The following HOXD13 variants were observed in gnomAD, a reference collection of about 807,000 sequenced individuals.
The protein encoded by HOXD13 is homeobox D13.
Under a neutral mutation model 27.3 loss-of-function variants are expected in HOXD13, and 16 were observed. The observed-to-expected ratio is 0.59, with a 90% CI of 0.40 to 0.89. The LOEUF (loss-of-function observed/expected upper bound fraction) is 0.89. Ranked by LOEUF, HOXD13 falls within the 40% of genes least tolerant of loss-of-function variation. The probability of loss-of-function intolerance (pLI) is 0.00; values close to 1 mark genes in which losing one functional copy is unlikely to be tolerated. For synonymous variants in HOXD13, 241 were observed against 219.0 expected, an observed-to-expected ratio of 1.10 and a Z score of -0.89; for missense variants, 481 against 482.6, an observed-to-expected ratio of 1.00 and a Z score of 0.03.
upstream of HOXD13, among the ~76,000 whole-genome samples, chr2:176,091,807 C>A (rs532048046): frequency 6.6e-6 from 1 of 151,692 alleles, no homozygotes; most frequent in Admixed American, 6.6e-5. Context: ...CTGCAAAATG[C>A]GAGGCCGGTC....
rs1375888147 is a variant in HOXD13, at chr2:176,094,914, T to C, written c.*184T>C. The C allele has an allele frequency of 3.3e-6, 2 of 600,802 alleles. No individual in the cohort carries two copies. Among genetic ancestry groups the C allele is most frequent in the African/African-American group, 1.9e-5 (1 of 53,808 alleles). The allele number at this position is 600,802 out of a possible 1,614,324, so 37.2% of individuals were successfully genotyped here. ...CCTTCTGCTGCCCAACCTGACTTTGTAGTTCTGATTTTTACTTGTTTATTA... is the reference window on the plus strand; with the variant it reads ...CCTTCTGCTGCCCAACCTGACTTTGCAGTTCTGATTTTTACTTGTTTATTA... On this transcript the variant is annotated 3_prime_UTR_variant, in exon 2 of 2. Transcript: ENST00000392539.
rs779629324 is a variant in HOXD13 at position 176,093,167 on chromosome 2, G to A, written c.277G>A (p.Ala93Thr). 4 of 1,608,156 alleles carry A rather than the reference G, an allele frequency of 2.5e-6. No homozygotes were observed. The highest frequency in any genetic ancestry group is 3.4e-6 in the Non-Finnish European group (4 of 1,179,502). ...CTCTTCCTCGTCGTCGTCCTCTTCT[G>A]CCGTTGTAGCGGCGCGCCCGGAGGC... is the stretch of plus-strand genomic sequence containing the variant. ...TGSSSSSSSS[A>T]VVAARPEAPP... is the part of the protein sequence containing the mutation. The change falls in exon 1 of 2, where the codon GCC becomes ACC. Residue 93 changes from alanine (A) to threonine (T), a missense_variant. Physicochemically the swap from Ala to Thr is moderately conservative, Grantham distance 58 (BLOSUM62 0). Coordinates refer to ENST00000392539, the MANE Select transcript of HOXD13 (RefSeq NM_000523.4).
chr2:176,094,210 A>G (rs1359055150), intron 1 of HOXD13, among the ~76,000 whole-genome samples: 2 of 152,220 alleles, frequency 1.3e-5, no homozygotes, highest in African/African-American at 4.8e-5. Flanking sequence ...ACCACACCAT[A>G]AAATTGCAAG....
chr2:176,094,792 G>A lies in HOXD13; in HGVS notation c.*62G>A. On this transcript the variant is annotated 3_prime_UTR_variant, in exon 2 of 2. Coordinates refer to ENST00000392539, the MANE Select transcript of HOXD13 (RefSeq NM_000523.4). ...TTCGGTTGTCTCCAAAAGGCCTTTGGAAAGACTTGAATATGTATTTAATTC... is the reference window on the plus strand; with the variant it reads ...TTCGGTTGTCTCCAAAAGGCCTTTGAAAAGACTTGAATATGTATTTAATTC... 1 of 1,455,414 alleles carries A rather than the reference G, an allele frequency of 6.9e-7. No homozygotes were observed. The highest frequency in any genetic ancestry group is 9.6e-7 in the Non-Finnish European group (1 of 1,036,418). The allele number at this position is 1,455,414 out of a possible 1,614,324, so 90.2% of individuals were successfully genotyped here. A position where few individuals can be genotyped will look rare whatever the true frequency, so the allele number is the denominator to read the frequency against.
chr2:176,094,580 G>A lies in HOXD13; in HGVS notation c.882G>A (p.Glu294=). 6.2e-7 allele frequency: 1 copy of A among 1,614,122 alleles called. No homozygotes were observed. Among genetic ancestry groups the A allele is most frequent in the Non-Finnish European group, 8.5e-7 (1 of 1,179,990 alleles). Residue 294 remains glutamate (E), a synonymous_variant, in exon 2 of 2, where the codon GAG becomes GAA. Coordinates refer to ENST00000392539, the MANE Select transcript of HOXD13 (RefSeq NM_000523.4). ...TKLQLKELEN[E]YAINKFINKD... is the part of the protein sequence containing the mutation. ...TGCAGCTTAAAGAACTGGAGAACGAGTATGCCATTAACAAATTCATTAACA... is the reference window on the plus strand; with the variant it reads ...TGCAGCTTAAAGAACTGGAGAACGAATATGCCATTAACAAATTCATTAACA...
At position 176,093,426 on chromosome 2, in the gene HOXD13, C is replaced by G. The variant is rs1689359681; in HGVS notation, c.536C>G (p.Pro179Arg). ...DVSGLASSSV[P>R]ANEVPARAKE... Reference sequence around the variant, plus strand: ...TCAGGCCTGGCGAGCAGCAGCGTACCGGCCAACGAGGTGCCAGCGCGAGCC... The same window carrying G: ...TCAGGCCTGGCGAGCAGCAGCGTACGGGCCAACGAGGTGCCAGCGCGAGCC... Residue 179 changes from proline to arginine, a missense_variant, in exon 1 of 2, where the codon CCG becomes CGG. Pro to Arg is a moderately radical substitution (Grantham distance 103). Transcript: ENST00000392539. 1 of 1,613,962 alleles carries G rather than the reference C, an allele frequency of 6.2e-7. No individual in the cohort carries two copies. The highest frequency in any genetic ancestry group is 1.3e-5 in the African/African-American group (1 of 75,064).
In HOXD13 at chr2:176,092,959, G is replaced by A. The variant is rs1403886245; in HGVS notation, c.69G>A (p.Pro23=). 2 of 1,334,036 alleles carry A rather than the reference G, an allele frequency of 1.5e-6. No individual in the cohort carries two copies. The highest frequency in any genetic ancestry group is 1.9e-6 in the Non-Finnish European group (2 of 1,045,916). 82.6% of individuals were successfully genotyped at this position (1,334,036 alleles called of 1,614,324 possible). The part of the protein sequence containing the change: ...RADGGGAGGA[P]ASSSSSSVAA... ...ACGGCGGGGGCGCCGGTGGCGCCCC[G>A]GCCTCTTCCTCCTCCTCATCGGTGG... Residue 23 remains proline (P), a synonymous_variant, in exon 1 of 2, where the codon CCG becomes CCA. Transcript: ENST00000392539.
rs1239870736 is a variant in HOXD13 at position 176,093,590 on chromosome 2, C to T, written c.700C>T (p.Leu234=). The T allele has an allele frequency of 6.2e-7, 1 of 1,613,824 alleles. No individual in the cohort carries two copies. Among genetic ancestry groups the T allele is most frequent in the Admixed American group, 1.7e-5 (1 of 60,034 alleles). ...ISMEGYQSWT[L]ANGWNSQVYC... is the part of the protein sequence containing the mutation. ...CATGGAGGGGTACCAGTCCTGGACG[C>T]TGGCTAACGGGTGGAACAGCCAGGT... Residue 234 remains leucine, a synonymous_variant, in exon 1 of 2, where the codon CTG becomes TTG. Transcript: ENST00000392539.
In HOXD13 at chr2:176,093,447, G is replaced by A. The variant is rs763149315; in HGVS notation, c.557G>A (p.Arg186Gln). 6 of 1,613,962 alleles carry A rather than the reference G, an allele frequency of 3.7e-6. No individual in the cohort carries two copies. Among genetic ancestry groups the A allele is most frequent in the Middle Eastern group, 3.3e-4 (2 of 6,062 alleles). Residue 186 changes from arginine to glutamine, a missense_variant, in exon 1 of 2, where the codon CGA becomes CAA. By Grantham distance (43) the Arg-to-Gln change is conservative. Coordinates refer to ENST00000392539, the MANE Select transcript of HOXD13 (RefSeq NM_000523.4). ...SSVPANEVPA[R>Q]AKEVSFYQGY... ...GTACCGGCCAACGAGGTGCCAGCGC[G>A]AGCCAAGGAGGTATCCTTCTACCAG...
At position 176,093,204 on chromosome 2, in the gene HOXD13, A is replaced by G; in HGVS notation, c.314A>G (p.Lys105Arg). 1 of 1,609,728 alleles carries G rather than the reference A, an allele frequency of 6.2e-7. No homozygotes were observed. The highest frequency in any genetic ancestry group is 8.5e-7 in the Non-Finnish European group (1 of 1,179,590). Residue 105 changes from lysine to arginine, a missense_variant, in exon 1 of 2, where the codon AAA becomes AGA. Transcript: ENST00000392539. ...VAARPEAPPA[K>R]ECPAPTPAAA... ...GCGCGCCCGGAGGCTCCCCCAGCCA[A>G]AGAGTGCCCAGCACCCACGCCTGCA...
In HOXD13 at chr2:176,093,050, T is replaced by A. The variant is rs1387686837; in HGVS notation, c.160T>A (p.Ser54Thr). Reference sequence around the variant, plus strand: ...CGCGCCTGTGTTCGCCGGGACGCATTCGGGGCGGGCGGCGGCGGCGGCAGC... The same window carrying A: ...CGCGCCTGTGTTCGCCGGGACGCATACGGGGCGGGCGGCGGCGGCGGCAGC... Reference protein sequence around the residue: ...LSAPVFAGTHSGRAAAAAAAA... With the variant: ...LSAPVFAGTHTGRAAAAAAAA... Residue 54 changes from serine (S) to threonine (T), a missense_variant, in exon 1 of 2, where the codon TCG (serine) becomes ACG (threonine). By Grantham distance (58) the Ser-to-Thr change is moderately conservative (BLOSUM62 1). Transcript: ENST00000392539. 132 of 1,380,704 alleles carry A rather than the reference T, an allele frequency of 9.6e-5. No homozygotes were observed. The highest frequency in any genetic ancestry group is 1.2e-4 in the Non-Finnish European group (128 of 1,077,672). 85.5% of individuals were successfully genotyped at this position (1,380,704 alleles called of 1,614,324 possible).
upstream of HOXD13, among the ~76,000 whole-genome samples, chr2:176,092,617 G>T (rs571866542): frequency 6.6e-6 from 1 of 152,106 alleles, no homozygotes; most frequent in Non-Finnish European, 1.5e-5. Context: ...CCAATGGCAC[G>T]CCCCCGGCGG....
At chr2:176,089,389 T>C (rs1417560457), upstream of HOXD13, among the ~76,000 whole-genome samples, 1 of 152,202 alleles carries the variant, frequency 6.6e-6, no homozygotes, top group Non-Finnish European at 1.5e-5. Context: ...CACCAAATAT[T>C]TGGCTTCTTA....
rs773346852 is a variant in HOXD13 at position 176,093,224 on chromosome 2, C to T, written c.334C>T (p.Pro112Ser). ...AGCCAAAGAGTGCCCAGCACCCACG[C>T]CTGCAGCGGCCGCTGCAGCGCCCCC... is the stretch of plus-strand genomic sequence containing the variant. ...PPAKECPAPT[P>S]AAAAAAPPSA... is the part of the protein sequence containing the mutation. The change falls in exon 1 of 2, where the codon CCT becomes TCT. Residue 112 changes from proline to serine, a missense_variant. Coordinates refer to ENST00000392539, the MANE Select transcript of HOXD13 (RefSeq NM_000523.4). 6.2e-7 allele frequency: 1 copy of T among 1,609,566 alleles called. No homozygotes were observed. The highest frequency in any genetic ancestry group is 8.5e-7 in the Non-Finnish European group (1 of 1,179,294).
Position 176,092,988 on chromosome 2 carries a change from C to G in HOXD13, c.98C>G (p.Ala33Gly). ...TCTTCCTCCTCCTCATCGGTGGCGG[C>G]GGCGGCGGCGTCAGGCCAGTGCCGC... ...PASSSSSSVAAAAASGQCRGF... is the reference protein window; with the variant it reads ...PASSSSSSVAGAAASGQCRGF... Residue 33 changes from alanine (A) to glycine (G), a missense_variant, in exon 1 of 2, where the codon GCG (alanine) becomes GGG (glycine). Coordinates refer to ENST00000392539, the MANE Select transcript of HOXD13 (RefSeq NM_000523.4). 1 of 1,351,042 alleles carries G rather than the reference C, an allele frequency of 7.4e-7. No homozygotes were observed. Among genetic ancestry groups the G allele is most frequent in the Non-Finnish European group, 9.5e-7 (1 of 1,054,446 alleles). 83.7% of individuals were successfully genotyped at this position (1,351,042 alleles called of 1,614,324 possible). A position where few individuals can be genotyped will look rare whatever the true frequency, so the allele number is the denominator to read the frequency against.
chr2:176,090,175 AG>A (rs541301008), upstream of HOXD13, among the ~76,000 whole-genome samples: 12 of 152,388 alleles, frequency 7.9e-5, no homozygotes, highest in South Asian at 2.3e-3. Context: ...AAGTGGACAA[AG>A]TCAGACCCCC....
At position 176,092,875 on chromosome 2, in the gene HOXD13, C is replaced by G. The variant is rs1376399625; in HGVS notation, c.-16C>G. On this transcript the variant is annotated 5_prime_UTR_variant, in exon 1 of 2. Coordinates refer to ENST00000392539, the MANE Select transcript of HOXD13 (RefSeq NM_000523.4). ...GCGGGGCCAGGGCCAGGGCCGGGGC[C>G]GGGCCAGGCCGGGCCATGAGCCGCG... is the stretch of plus-strand genomic sequence containing the variant. 2 of 1,229,482 alleles carry G rather than the reference C, an allele frequency of 1.6e-6. No homozygotes were observed. Among genetic ancestry groups the G allele is most frequent in the Admixed American group, 4.4e-5 (1 of 22,846 alleles). 76.2% of individuals were successfully genotyped at this position (1,229,482 alleles called of 1,614,324 possible). A position where few individuals can be genotyped will look rare whatever the true frequency, so the allele number is the denominator to read the frequency against.
In HOXD13 at chr2:176,094,554, C is replaced by G. The variant is rs1689382981; in HGVS notation, c.856C>G (p.Leu286Val). The G allele has an allele frequency of 6.2e-7, 1 of 1,613,890 alleles. No individual in the cohort carries two copies. The highest frequency in any genetic ancestry group is 1.3e-5 in the African/African-American group (1 of 74,914). ...GAAGAAGAGAGTGCCTTACACCAAA[C>G]TGCAGCTTAAAGAACTGGAGAACGA... ...GRKKRVPYTK[L>V]QLKELENEYA... The change falls in exon 2 of 2, where the codon CTG becomes GTG. Residue 286 changes from leucine (L) to valine (V), a missense_variant. Physicochemically the swap from Leu to Val is conservative, Grantham distance 32. Coordinates refer to ENST00000392539, the MANE Select transcript of HOXD13 (RefSeq NM_000523.4).
chr2:176,091,473 G>A (rs1689318316), upstream of HOXD13, among the ~76,000 whole-genome samples: 1 of 152,146 alleles, frequency 6.6e-6, no homozygotes, highest in South Asian at 2.1e-4. Context: ...AGGGATGGTG[G>A]GCTGGAGCTC....
Sources: gnomAD v4.1 joint callset for allele counts (sites outside exome capture counted in the v4.1 genomes callset) on GRCh38, gnomAD v4.1.1 for gene constraint, MANE v1.5 for transcripts, NCBI Gene and HGNC (gene_info 2026-07-23, HGNC 2026-07-21) for gene names.